Variants in REV3L observed in about 807,000 individuals in gnomAD.
REV3L encodes the protein REV3 like, DNA directed polymerase zeta catalytic subunit, also known as DNA polymerase zeta catalytic subunit.
A neutral mutation model predicts 299.4 loss-of-function variants in REV3L; 69 were observed. That is an observed-to-expected ratio of 0.23 (90% confidence interval 0.19 to 0.28). The LOEUF is 0.28. Ranked by LOEUF, REV3L falls within the 10% of genes least tolerant of loss-of-function variation. The pLI, the probability that REV3L is intolerant of heterozygous loss-of-function variation, is 1.00. For synonymous variants in REV3L, 1,238 were observed against 1,271.4 expected (o/e 0.97, Z 0.56); for missense variants, 3,128 against 3,693.8 (o/e 0.85, Z 3.97).
chr6:111,387,525 A>G (rs1781464478), intron 9 of REV3L, among the ~76,000 whole-genome samples: 1 of 152,238 alleles, frequency 6.6e-6, no homozygotes. Flanking sequence ...AATGGTATAT[A>G]TGGTGGGCAA....
chr6:111,368,926 T>C (rs557557118), intron 13 of REV3L, among the ~76,000 whole-genome samples: 1 of 152,270 alleles, frequency 6.6e-6, no homozygotes, highest in Admixed American at 6.5e-5. Flanking sequence ...GTTTTCAGAT[T>C]TGAAGCTGAA....
intron 13 of REV3L, among the ~76,000 whole-genome samples, chr6:111,369,888 G>A (rs1246473318): frequency 1.3e-5 from 2 of 151,346 alleles, no homozygotes; most frequent in Non-Finnish European, 2.9e-5. Flanking sequence ...CCAGGCTGGA[G>A]TGCAGTGGTG....
intron 9 of REV3L, among the ~76,000 whole-genome samples, chr6:111,382,718 A>C (rs1780953041): frequency 6.6e-6 from 1 of 152,206 alleles, no homozygotes; most frequent in African/African-American, 2.4e-5. Flanking sequence ...GCTCAGAGCC[A>C]GTAGACTTGG....
intron 1 of REV3L, among the ~76,000 whole-genome samples, chr6:111,470,349 CAT>C (rs1365976573): frequency 2.6e-5 from 4 of 152,208 alleles, no homozygotes; most frequent in African/African-American, 9.7e-5. Flanking sequence ...TGGCCTAATA[CAT>C]GTTTTCTCAT....
In REV3L at chr6:111,431,555, T is replaced by C. The variant is rs886264783; in HGVS notation, c.140-15083A>G. ...CCCCCTCCCAACATGATCTGTCTCT[T>C]GGGTCCCTCATACAGAGAAATGCAT... is the stretch of plus-strand genomic sequence containing the variant. On this transcript the variant is annotated intron_variant, in intron 1 of 31. Coordinates refer to ENST00000368802, the MANE Select transcript of REV3L (RefSeq NM_001372078.1). 6.9e-5 allele frequency: 55 copies of C among 800,986 alleles called. 1 individual carries two copies. The highest frequency in any genetic ancestry group is 3.6e-4 in the Middle Eastern group (1 of 2,806). 49.6% of individuals were successfully genotyped at this position (800,986 alleles called of 1,614,324 possible). A position where few individuals can be genotyped will look rare whatever the true frequency, so the allele number is the denominator to read the frequency against.
At chr6:111,370,841 T>A (rs1317539126) in intron 13 of REV3L, among the ~76,000 whole-genome samples, 1 of 152,212 alleles carries the variant, frequency 6.6e-6, no homozygotes, top group East Asian at 1.9e-4. Flanking sequence ...GGTACATGTG[T>A]TACAATCGAT....
At chr6:111,433,550 A>T (rs1354900112) in intron 1 of REV3L, among the ~76,000 whole-genome samples, 2 of 152,192 alleles carry the variant, frequency 1.3e-5, no homozygotes, top group Non-Finnish European at 2.9e-5. Flanking sequence ...GAGTAAGGAG[A>T]CTGAAGCCAT....
intron 1 of REV3L, among the ~76,000 whole-genome samples, chr6:111,421,935 T>C: frequency 6.6e-6 from 1 of 152,178 alleles, no homozygotes; most frequent in East Asian, 1.9e-4. Context: ...TTTTACTCCA[T>C]CTTTCTTTTC....
intron 27 of REV3L, among the ~76,000 whole-genome samples, chr6:111,314,599 C>G (rs1002521100): frequency 6.6e-6 from 1 of 152,112 alleles, no homozygotes; most frequent in African/African-American, 2.4e-5. Flanking sequence ...TACCCCTAAC[C>G]CCTAACAGTC....
At position 111,311,196 on chromosome 6, in the gene REV3L, C is replaced by T. The variant is rs770038646; in HGVS notation, c.8668G>A (p.Val2890Ile). ...TRDISLIKQY[V>I]QRQCMKLLEG... Reference sequence around the variant, plus strand: ...AGAAGCTTCATACATTGTCGCTGAACATACTGTTTAATTAGACTTATATCT... The same window carrying T: ...AGAAGCTTCATACATTGTCGCTGAATATACTGTTTAATTAGACTTATATCT... The change falls in exon 29 of 32, where the codon GTT becomes ATT. Residue 2890 changes from valine to isoleucine, a missense_variant. Coordinates refer to ENST00000368802, the MANE Select transcript of REV3L (RefSeq NM_001372078.1). 1 of 1,613,838 alleles carries T rather than the reference C, an allele frequency of 6.2e-7. No homozygotes were observed. Among genetic ancestry groups the T allele is most frequent in the Non-Finnish European group, 8.5e-7 (1 of 1,179,872 alleles).
At chr6:111,469,690 AC>A (rs1478720797) in intron 1 of REV3L, among the ~76,000 whole-genome samples, 1 of 152,140 alleles carries the variant, frequency 6.6e-6, no homozygotes, top group Non-Finnish European at 1.5e-5. Flanking sequence ...GGCCCCCATC[AC>A]CCAAGCAAAC....
chr6:111,382,059 A>C (rs991265334), intron 9 of REV3L, among the ~76,000 whole-genome samples: 4 of 152,248 alleles, frequency 2.6e-5, no homozygotes, highest in Non-Finnish European at 5.9e-5. Context: ...GAAATGGTTA[A>C]GCAATTAAAA....
intron 1 of REV3L, among the ~76,000 whole-genome samples, chr6:111,442,438 T>C (rs993828631): frequency 6.6e-6 from 1 of 152,212 alleles, no homozygotes; most frequent in Non-Finnish European, 1.5e-5. Context: ...GAAGTCTACT[T>C]TGCCTGATCT....
At chr6:111,303,063 C>CT (rs899700979) in intron 31 of REV3L, among the ~76,000 whole-genome samples, 40 of 145,532 alleles carry the variant, frequency 2.7e-4, no homozygotes, top group African/African-American at 8.6e-4. Flanking sequence ...GGAAGGATCA[C>CT]TTTTTTTTTT....
intron 20 of REV3L, among the ~76,000 whole-genome samples, chr6:111,344,912 C>T (rs1776877157): frequency 6.6e-6 from 1 of 152,202 alleles, no homozygotes; most frequent in Non-Finnish European, 1.5e-5. Flanking sequence ...TATCTCAGTG[C>T]AGTGACCCAA....
At chr6:111,337,065 G>A (rs1775969063) in intron 21 of REV3L, among the ~76,000 whole-genome samples, 2 of 151,690 alleles carry the variant, frequency 1.3e-5, no homozygotes, top group South Asian at 2.1e-4. Flanking sequence ...AAGGCAAGAG[G>A]TAGAGGGTGG....
intron 1 of REV3L, 82 bp downstream of exon 1, chr6:111,482,668 G>T (rs1289977561): frequency 2.3e-6 from 2 of 881,914 alleles, no homozygotes; most frequent in Non-Finnish European, 1.4e-6. Context: ...CGCCGGTGGC[G>T]TGTGCGCGTG....
chr6:111,395,805 G>A (rs1562248492), intron 4 of REV3L, among the ~76,000 whole-genome samples: 1 of 152,116 alleles, frequency 6.6e-6, no homozygotes, highest in South Asian at 2.1e-4. Flanking sequence ...TCCCCATTCA[G>A]TAAGATGTTA....
At chr6:111,376,887 A>C (rs969888485) in intron 12 of REV3L, 130 bp from the exon 13 acceptor site, 11 of 649,256 alleles carry the variant, frequency 1.7e-5, no homozygotes, top group South Asian at 2.6e-5. Context: ...TATCTTAACA[A>C]AAAGGTAATG....
Sources: allele counts gnomAD v4.1 joint callset (sites outside exome capture counted in the v4.1 genomes callset), GRCh38; gene constraint gnomAD v4.1.1; transcripts MANE v1.5; gene names NCBI Gene and HGNC (gene_info 2026-07-23, HGNC 2026-07-21).